The following GMDS variants were observed in gnomAD, a reference collection of about 807,000 sequenced individuals.
The protein encoded by GMDS is GDP-mannose 4,6 dehydratase.
Under a neutral mutation model 49.9 loss-of-function variants are expected in GMDS, and 20 were observed. The ratio of observed to expected loss-of-function variants is 0.40; its 90% CI spans 0.28 to 0.58. GMDS has a LOEUF of 0.58. GMDS is among the 20% of genes least tolerant of loss of function. GMDS has a pLI of 0.42. For synonymous variants in GMDS, 177 were observed against 178.6 expected, an observed-to-expected ratio of 0.99 and a Z score of 0.07; for missense variants, 362 against 481.4, an observed-to-expected ratio of 0.75 and a Z score of 2.32.
At position 1,624,172 on chromosome 6, in the gene GMDS, G is replaced by A. The variant is rs1454211122; in HGVS notation, c.1116C>T (p.Ala372=). Residue 372 remains alanine (A), a synonymous_variant, in exon 11 of 11, where the codon GCC becomes GCT. Coordinates refer to ENST00000380815, the MANE Select transcript of GMDS (RefSeq NM_001500.4). ...DVELMRTNPN[A] ...GGGCCGGGCTCCGAGGCGCTGCTCAGGCATTGGGGTTTGTCCTCATGAGCT... is the reference window on the plus strand; with the variant it reads ...GGGCCGGGCTCCGAGGCGCTGCTCAAGCATTGGGGTTTGTCCTCATGAGCT... 14 of 1,609,136 alleles carry A rather than the reference G, an allele frequency of 8.7e-6. No homozygotes were observed. The highest frequency in any genetic ancestry group is 1.1e-5 in the Non-Finnish European group (13 of 1,179,506).
At chr6:1,753,896 T>C (rs1332154216) in intron 7 of GMDS, among the ~76,000 whole-genome samples, 1 of 152,062 alleles carries the variant, frequency 6.6e-6, no homozygotes, top group Non-Finnish European at 1.5e-5. Flanking sequence ...GTTTAGAGGG[T>C]AATTTATAGT....
intron 7 of GMDS, among the ~76,000 whole-genome samples, chr6:1,826,434 C>G (rs1172097025): frequency 1.3e-5 from 2 of 152,092 alleles, no homozygotes; most frequent in African/African-American, 4.8e-5. Flanking sequence ...TTTATTTTAG[C>G]AAATTGTTTT....
intron 9 of GMDS, 82 bp downstream of exon 9, chr6:1,726,334 T>A: frequency 1.1e-6 from 1 of 888,222 alleles, no homozygotes; most frequent in Non-Finnish European, 1.9e-6. Flanking sequence ...CTCCAAAGGC[T>A]GGCACCAGGC....
intron 4 of GMDS, among the ~76,000 whole-genome samples, chr6:2,009,583 C>A (rs766679736): frequency 6.6e-6 from 1 of 152,182 alleles, no homozygotes; most frequent in Non-Finnish European, 1.5e-5. Context: ...GCACAGAAAA[C>A]CATTCAATCC....
intron 1 of GMDS, among the ~76,000 whole-genome samples, chr6:2,219,420 T>C (rs1780482612): frequency 6.6e-6 from 1 of 152,204 alleles, no homozygotes; most frequent in South Asian, 2.1e-4. Flanking sequence ...ATATGGACGA[T>C]ATTCGTAATC....
At chr6:1,671,854 AG>A (rs982096078) in intron 9 of GMDS, among the ~76,000 whole-genome samples, 3 of 151,952 alleles carry the variant, frequency 2.0e-5, no homozygotes, top group African/African-American at 7.2e-5. Flanking sequence ...TAGTAGAGAC[AG>A]GGTTTCACCA....
chr6:2,081,923 C>T (rs924530178), intron 4 of GMDS, among the ~76,000 whole-genome samples: 5 of 152,150 alleles, frequency 3.3e-5, no homozygotes, highest in Admixed American at 6.5e-5. Flanking sequence ...AACTGTCTGA[C>T]TTCCAGGAGC....
chr6:2,241,858 G>A (rs1230854545), intron 1 of GMDS, among the ~76,000 whole-genome samples: 1 of 152,140 alleles, frequency 6.6e-6, no homozygotes, highest in African/African-American at 2.4e-5. Context: ...ACAAACAGAT[G>A]AAGACAACTT....
intron 9 of GMDS, among the ~76,000 whole-genome samples, chr6:1,695,742 G>A (rs960731441): frequency 3.4e-4 from 52 of 152,064 alleles, no homozygotes; most frequent in Non-Finnish European, 3.8e-4. Context: ...TGAGGTCCTG[G>A]CACCGCCTCT....
intron 4 of GMDS, among the ~76,000 whole-genome samples, chr6:2,056,642 T>C (rs992041125): frequency 6.6e-6 from 1 of 152,136 alleles, no homozygotes; most frequent in Non-Finnish European, 1.5e-5. Context: ...AACCCCAGAC[T>C]TACTAACTCA....
rs538916215 is a variant in GMDS at position 1,646,303 on chromosome 6, C to G, written c.988-21763G>C. 4.6e-5 allele frequency among the ~76,000 whole-genome samples: 7 copies of G among 152,322 alleles called. No homozygotes were observed. The East Asian group carries it at 1.4e-3, about 29-fold the overall frequency. On this transcript the variant is annotated intron_variant, in intron 9 of 10. Coordinates refer to ENST00000380815, the MANE Select transcript of GMDS (RefSeq NM_001500.4). ...CATCCTCCCGCTTCACAGACCAGCC[C>G]TCCCCTGCTCTGGGGTCCGTGCTCA...
chr6:2,014,783 C>G (rs142472108), intron 4 of GMDS, among the ~76,000 whole-genome samples: 102 of 152,016 alleles, frequency 6.7e-4, no homozygotes, highest in African/African-American at 2.3e-3. Flanking sequence ...AAGAGTGACA[C>G]AGTGGATAAA....
chr6:2,162,900 T>A (rs564120362), intron 1 of GMDS, among the ~76,000 whole-genome samples: 14 of 152,306 alleles, frequency 9.2e-5, no homozygotes, highest in African/African-American at 3.1e-4. Context: ...TTTCAGTTCA[T>A]TCCTGCCATC....
intron 7 of GMDS, among the ~76,000 whole-genome samples, chr6:1,762,848 C>A (rs1046750919): frequency 1.3e-5 from 2 of 152,136 alleles, no homozygotes; most frequent in East Asian, 3.8e-4. Context: ...AAATGTGTTA[C>A]CCTAATTTCT....
In GMDS at chr6:2,193,720, A is replaced by ATTTTT. The variant is rs35997013; in HGVS notation, c.102+51596_102+51600dup. 1.1e-4 allele frequency among the ~76,000 whole-genome samples: 12 copies of ATTTTT among 111,790 alleles called. 1 individual carries two copies. Among genetic ancestry groups the ATTTTT allele is most frequent in the East Asian group, 2.6e-4 (1 of 3,918 alleles). 73.3% of individuals were successfully genotyped at this position (111,790 alleles called of 152,430 possible). ...ATAGTGGAAGCTTAGTGAAAATGCT[A>ATTTTT]TTTTTTTTTTTTTTTTTTTTTTGAG... On this transcript the variant is annotated intron_variant, in intron 1 of 10. Coordinates refer to ENST00000380815, the MANE Select transcript of GMDS (RefSeq NM_001500.4).
chr6:2,171,080 T>C (rs1030944472), intron 1 of GMDS, among the ~76,000 whole-genome samples: 3 of 152,172 alleles, frequency 2.0e-5, no homozygotes, highest in East Asian at 3.8e-4. Context: ...ATCCAAATCA[T>C]AGTACCAAAA....
intron 7 of GMDS, among the ~76,000 whole-genome samples, chr6:1,828,667 T>C (rs1305035370): frequency 6.6e-6 from 1 of 152,182 alleles, no homozygotes; most frequent in East Asian, 1.9e-4. Flanking sequence ...AAAACAATGT[T>C]AACCAAGAAT....
At chr6:1,976,284 T>C (rs1040560231) in intron 4 of GMDS, among the ~76,000 whole-genome samples, 2 of 152,206 alleles carry the variant, frequency 1.3e-5, no homozygotes, top group African/African-American at 4.8e-5. Context: ...TCTGCTCCAT[T>C]TGGAGGAGGC....
chr6:1,937,756 C>T (rs1762619802), intron 6 of GMDS, among the ~76,000 whole-genome samples: 1 of 152,208 alleles, frequency 6.6e-6, no homozygotes, highest in South Asian at 2.1e-4. Flanking sequence ...TCTCAAGATC[C>T]TTAACTAATT....
Sources: allele counts gnomAD v4.1 joint callset (sites outside exome capture counted in the v4.1 genomes callset), GRCh38; gene constraint gnomAD v4.1.1; transcripts MANE v1.5; gene names NCBI Gene and HGNC (gene_info 2026-07-23, HGNC 2026-07-21).